The following LYST variants were observed in gnomAD, a reference collection of about 807,000 sequenced individuals.
LYST encodes lysosomal trafficking regulator.
In LYST, 192 loss-of-function variants were observed where a neutral mutation model predicts 413.6. That is an observed-to-expected ratio of 0.46 (90% CI 0.41 to 0.52). The LOEUF (loss-of-function observed/expected upper bound fraction) is 0.52. LYST is among the 20% of genes least tolerant of loss of function. LYST has a pLI of 0.00. For synonymous variants in LYST, 1,525 were observed against 1,567.3 expected, an observed-to-expected ratio of 0.97 and a Z score of 0.64; for missense variants, 3,815 against 4,499.9, an observed-to-expected ratio of 0.85 and a Z score of 4.35.
intron 1 of LYST, among the ~76,000 whole-genome samples, chr1:235,865,843 C>G (rs1029616409): frequency 5.3e-5 from 8 of 152,172 alleles, no homozygotes; most frequent in Non-Finnish European, 8.8e-5. Context: ...ATCTGTTAAA[C>G]AAACAATAGG....
At chr1:235,718,396 A>G (rs1042582864) in intron 40 of LYST, among the ~76,000 whole-genome samples, 15 of 149,960 alleles carry the variant, frequency 1.0e-4, no homozygotes, top group African/African-American at 3.7e-4. Flanking sequence ...TCACTCTGTC[A>G]CCCAAACATG....
intron 28 of LYST, 34 bp downstream of exon 28, chr1:235,751,176 T>A: frequency 6.2e-7 from 1 of 1,600,366 alleles, no homozygotes; most frequent in Non-Finnish European, 8.6e-7. Flanking sequence ...CTAGCCTCAA[T>A]TTATGGTTAT....
Position 235,702,846 on chromosome 1 carries a change from G to C in LYST, c.10275C>G (p.Ala3425=), listed in dbSNP as rs762130174. The change falls in exon 45 of 53, where the codon GCC becomes GCG. Residue 3425 remains alanine (A), a synonymous_variant. Coordinates refer to ENST00000389793, the MANE Select transcript of LYST (RefSeq NM_000081.4). The part of the protein sequence containing the change: ...FHMAHVSRPG[A]KLNIEGELPA... ...GAAGCTCTCCTTCAATATTGAGCTT[G>C]GCTCCAGGTCTGCTCACATGGGCCA... 24 of 1,614,040 alleles carry C rather than the reference G, an allele frequency of 1.5e-5. No homozygotes were observed. Among genetic ancestry groups the C allele is most frequent in the African/African-American group, 2.7e-5 (2 of 74,916 alleles).
At chr1:235,793,715 T>C (rs540846032) in intron 10 of LYST, 103 bp from the exon 11 acceptor site, 63 of 646,472 alleles carry the variant, frequency 9.7e-5, no homozygotes, top group Non-Finnish European at 1.6e-4. Flanking sequence ...ACTTTTTGAA[T>C]GGATTATAAA....
intron 1 of LYST, among the ~76,000 whole-genome samples, chr1:235,839,005 T>C (rs2103036166): frequency 6.6e-6 from 1 of 152,228 alleles, no homozygotes; most frequent in South Asian, 2.1e-4. Flanking sequence ...TCTTTCTTTT[T>C]GTAGAGACAG....
intron 28 of LYST, among the ~76,000 whole-genome samples, chr1:235,750,508 A>AT (rs1472210681): frequency 1.3e-5 from 2 of 152,106 alleles, no homozygotes; most frequent in African/African-American, 4.8e-5. Context: ...ATTTCAAACA[A>AT]TTTACCAAAT....
chr1:235,830,519 G>T, intron 2 of LYST, 95 bp from the exon 3 acceptor site: 1 of 1,006,290 alleles, frequency 9.9e-7, no homozygotes, highest in Non-Finnish European at 1.5e-6. Context: ...TCTAACTGAA[G>T]ATTGGCTTAA....
Position 235,808,425 on chromosome 1 carries a change from G to A in LYST, c.2363+30C>T, listed in dbSNP as rs200717661. 5.5e-5 allele frequency: 78 copies of A among 1,424,622 alleles called. No homozygotes were observed. The African/African-American group carries it at 5.8e-4, about 11-fold the overall frequency. 88.2% of individuals were successfully genotyped at this position (1,424,622 alleles called of 1,614,324 possible). Reference sequence around the variant, plus strand: ...GATCTAGACATGCTCAACAACCCCCGCCCCCGCCGCCACCCACACACATAC... The same window carrying A: ...GATCTAGACATGCTCAACAACCCCCACCCCCGCCGCCACCCACACACATAC... On this transcript the variant is annotated intron_variant, in intron 5 of 52. Coordinates refer to ENST00000389793, the MANE Select transcript of LYST (RefSeq NM_000081.4).
intron 25 of LYST, among the ~76,000 whole-genome samples, chr1:235,754,114 T>A (rs926174620): frequency 6.6e-6 from 1 of 152,054 alleles, no homozygotes; most frequent in African/African-American, 2.4e-5. Flanking sequence ...AGGTGAGGGA[T>A]TTACTCCTCT....
intron 19 of LYST, among the ~76,000 whole-genome samples, chr1:235,770,785 T>C (rs990428458): frequency 2.6e-5 from 4 of 152,216 alleles, no homozygotes; most frequent in African/African-American, 9.6e-5. Context: ...TAATTTACTT[T>C]CAAGTTCAAA....
At chr1:235,872,110 A>G (rs192539305) in intron 1 of LYST, among the ~76,000 whole-genome samples, 1 of 152,248 alleles carries the variant, frequency 6.6e-6, no homozygotes, top group African/African-American at 2.4e-5. Flanking sequence ...AGCCTGGCCA[A>G]TGTGGCGAAA....
rs1407792046 is a variant in LYST, at chr1:235,808,774, C to T, written c.2044G>A (p.Gly682Arg). 2 of 1,613,960 alleles carry T rather than the reference C, an allele frequency of 1.2e-6. No individual in the cohort carries two copies. The highest frequency in any genetic ancestry group is 3.3e-5 in the Admixed American group (2 of 59,986). Residue 682 changes from glycine (G) to arginine (R), a missense_variant, in exon 5 of 53, where the codon GGA becomes AGA. By Grantham distance (125) the Gly-to-Arg change is moderately radical. Transcript: ENST00000389793. ...YRFQGILPSSGSEDLLWKWDA... is the reference protein window; with the variant it reads ...YRFQGILPSSRSEDLLWKWDA... Reference sequence around the variant, plus strand: ...CATTTCCACAACAAATCTTCAGATCCACTGCTGGGCAGGATCCCTTGAAAT... The same window carrying T: ...CATTTCCACAACAAATCTTCAGATCTACTGCTGGGCAGGATCCCTTGAAAT...
chr1:235,746,803 A>G (rs918314623), intron 28 of LYST, among the ~76,000 whole-genome samples: 5 of 152,230 alleles, frequency 3.3e-5, no homozygotes, highest in African/African-American at 1.2e-4. Flanking sequence ...TTCGAGTTAA[A>G]AAGTATTAAA....
intron 5 of LYST, among the ~76,000 whole-genome samples, chr1:235,807,252 A>C (rs1282057282): frequency 2.0e-5 from 3 of 152,314 alleles, no homozygotes; most frequent in African/African-American, 7.2e-5. Flanking sequence ...TAGAGCTGAA[A>C]ATCTACGGAA....
At chr1:235,837,541 T>C (rs967320316) in intron 1 of LYST, among the ~76,000 whole-genome samples, 20 of 150,710 alleles carry the variant, frequency 1.3e-4, no homozygotes, top group African/African-American at 4.4e-4. Context: ...GTATGAGAAC[T>C]GCTTGAACCT....
At chr1:235,791,111 C>T (rs914365795) in intron 12 of LYST, among the ~76,000 whole-genome samples, 1 of 152,092 alleles carries the variant, frequency 6.6e-6, no homozygotes, top group Admixed American at 6.6e-5. Context: ...TGGTGAAACA[C>T]CATCGCTACT....
chr1:235,825,653 A>C (rs939421443), intron 3 of LYST, among the ~76,000 whole-genome samples: 1 of 152,212 alleles, frequency 6.6e-6, no homozygotes, highest in African/African-American at 2.4e-5. Flanking sequence ...TACAATGAAA[A>C]CCACTCAATA....
chr1:235,828,514 A>T (rs1481922560), intron 3 of LYST, among the ~76,000 whole-genome samples: 2 of 152,202 alleles, frequency 1.3e-5, no homozygotes, highest in African/African-American at 4.8e-5. Context: ...ATTTGGAGAA[A>T]ACATGTATGT....
At chr1:235,791,536 A>C in intron 12 of LYST, 163 bp downstream of exon 12, 1 of 671,764 alleles carries the variant, frequency 1.5e-6, no homozygotes, top group Non-Finnish European at 2.6e-6. Flanking sequence ...GCTTTATGAC[A>C]ACTCATGCTT....
Sources: gnomAD v4.1 joint callset for allele counts (sites outside exome capture counted in the v4.1 genomes callset) on GRCh38, gnomAD v4.1.1 for gene constraint, MANE v1.5 for transcripts, NCBI Gene and HGNC (gene_info 2026-07-23, HGNC 2026-07-21) for gene names.